Variants in WIPI2 observed in about 807,000 individuals in gnomAD.
WIPI2 encodes the protein WD repeat domain, phosphoinositide interacting 2.
Under a neutral mutation model 52.3 loss-of-function variants are expected in WIPI2, and 28 were observed. The ratio of observed to expected loss-of-function variants is 0.54; its 90% CI spans 0.40 to 0.73. The LOEUF (loss-of-function observed/expected upper bound fraction) is 0.73. Among genes scored for constraint, WIPI2 ranks in the 30% least tolerant of loss-of-function variants. The probability of loss-of-function intolerance (pLI) is 0.00; values close to 1 mark genes in which losing one functional copy is unlikely to be tolerated. For synonymous variants in WIPI2, 268 were observed against 245.0 expected, an observed-to-expected ratio of 1.09 and a Z score of -0.88; for missense variants, 506 against 602.9, an observed-to-expected ratio of 0.84 and a Z score of 1.68.
At chr7:5,202,578 G>T (rs1410128686) in intron 3 of WIPI2, among the ~76,000 whole-genome samples, 2 of 151,898 alleles carry the variant, frequency 1.3e-5, no homozygotes, top group Non-Finnish European at 2.9e-5. Flanking sequence ...TAGAAACGGG[G>T]TCTTACTATG....
chr7:5,214,831 A>T, intron 4 of WIPI2, 127 bp downstream of exon 4: 1 of 1,079,816 alleles, frequency 9.3e-7, no homozygotes, highest in South Asian at 1.4e-5. Flanking sequence ...CCGGGCACAG[A>T]TCCTTGCCTA....
chr7:5,204,189 G>C (rs944324677), intron 3 of WIPI2, among the ~76,000 whole-genome samples: 2 of 152,162 alleles, frequency 1.3e-5, no homozygotes, highest in East Asian at 1.9e-4. Flanking sequence ...CATCTGGGCC[G>C]GGCGCGGTGG....
intron 3 of WIPI2, among the ~76,000 whole-genome samples, chr7:5,200,045 G>A (rs1014958577): frequency 3.3e-5 from 5 of 152,196 alleles, no homozygotes; most frequent in East Asian, 1.9e-4. Context: ...ATTTTCCCGC[G>A]TTGGCATTTT....
At chr7:5,208,408 T>A (rs1159909841) in intron 3 of WIPI2, among the ~76,000 whole-genome samples, 2 of 131,296 alleles carry the variant, frequency 1.5e-5, no homozygotes, top group Non-Finnish European at 3.2e-5. Context: ...TTTGATGCAG[T>A]CATATTTATG....
intron 2 of WIPI2, among the ~76,000 whole-genome samples, chr7:5,197,231 C>A (rs909134525): frequency 2.0e-5 from 3 of 151,584 alleles, no homozygotes; most frequent in Non-Finnish European, 2.9e-5. Context: ...ACTTGTCATC[C>A]CTTGTTTTAA....
At chr7:5,193,992 G>A (rs1180817050) in intron 2 of WIPI2, among the ~76,000 whole-genome samples, 1 of 152,214 alleles carries the variant, frequency 6.6e-6, no homozygotes, top group Admixed American at 6.5e-5. Flanking sequence ...TCCAACAGCA[G>A]TGACCAGTGG....
intron 1 of WIPI2, 130 bp from the exon 2 acceptor site, chr7:5,192,988 T>C: frequency 1.2e-6 from 1 of 819,594 alleles, no homozygotes; most frequent in Non-Finnish European, 2.0e-6. Context: ...ACTATAACTG[T>C]CCTGCCTTTC....
chr7:5,214,262 T>TC (rs1181747508), intron 3 of WIPI2: 2 of 1,402,884 alleles, frequency 1.4e-6, no homozygotes, highest in African/African-American at 2.9e-5. Context: ...ACCATTCAAA[T>TC]CCAGCAACAG....
rs1191995642 is a variant in WIPI2 at position 5,227,919 on chromosome 7, G to T, written c.1014-185G>T. On this transcript the variant is annotated intron_variant, in intron 10 of 12. Coordinates refer to ENST00000288828, the MANE Select transcript of WIPI2 (RefSeq NM_015610.4). The surrounding 1 kb of genome is among the most constrained non-coding windows in gnomAD (Gnocchi z 8.1). The stretch of plus-strand genomic sequence containing the variant: ...GCTCTCGTCTCCCGTGGGCTTCAGG[G>T]CTCAGCACACGAGTGCAGCCTTGGC... Among the ~76,000 whole-genome samples, 1 of 152,202 alleles carries T rather than the reference G, an allele frequency of 6.6e-6. No individual in the cohort carries two copies. The highest frequency in any genetic ancestry group is 2.4e-5 in the African/African-American group (1 of 41,442).
chr7:5,222,791 C>A, intron 8 of WIPI2, 119 bp downstream of exon 8: 1 of 995,172 alleles, frequency 1.0e-6, no homozygotes, highest in Non-Finnish European at 1.5e-6. Flanking sequence ...ATTTCTAGCC[C>A]GGCTGGGTCA....
intron 3 of WIPI2, among the ~76,000 whole-genome samples, chr7:5,211,719 A>G (rs747756176): frequency 1.9e-4 from 29 of 152,202 alleles, no homozygotes; most frequent in Non-Finnish European, 3.1e-4. Flanking sequence ...TGTGTATACC[A>G]GGTTTTCCTA....
chr7:5,207,766 A>T (rs973669517), intron 3 of WIPI2, among the ~76,000 whole-genome samples: 2 of 123,324 alleles, frequency 1.6e-5, no homozygotes, highest in Non-Finnish European at 3.3e-5. Flanking sequence ...TGTCCTCACT[A>T]ACTTTTTTTT....
At chr7:5,215,724 A>C (rs1782779819) in intron 4 of WIPI2, among the ~76,000 whole-genome samples, 1 of 151,972 alleles carries the variant, frequency 6.6e-6, no homozygotes. Flanking sequence ...TTAGAATGGG[A>C]AATTATAAGA....
At chr7:5,223,481 C>G (rs770981334) in intron 8 of WIPI2, among the ~76,000 whole-genome samples, 1 of 152,168 alleles carries the variant, frequency 6.6e-6, no homozygotes, top group Non-Finnish European at 1.5e-5. Context: ...GTCACCGCTC[C>G]TCCAGCTCCT....
At chr7:5,211,900 A>T (rs774325377) in intron 3 of WIPI2, among the ~76,000 whole-genome samples, 35 of 152,248 alleles carry the variant, frequency 2.3e-4, no homozygotes, top group Non-Finnish European at 4.7e-4. Flanking sequence ...CCAAGGTTGC[A>T]GTGCCGCACA....
Position 5,229,714 on chromosome 7 carries a change from G to T in WIPI2, c.1228G>T (p.Val410Leu). The change falls in exon 12 of 13, where the codon GTG (valine) becomes TTG (leucine). Residue 410 changes from valine to leucine, a missense_variant. Val to Leu is a conservative substitution (Grantham distance 32). Transcript: ENST00000288828. ...YGAAAGKGTY[V>L]PSSPTRLAYT... is the part of the protein sequence containing the mutation. ...CGCAGCTGCAGGAAAAGGTACTTAC[G>T]TGCCTTCATCCCCAACGAGACTTGG... 6.2e-7 allele frequency: 1 copy of T among 1,613,978 alleles called. No homozygotes were observed. The highest frequency in any genetic ancestry group is 8.5e-7 in the Non-Finnish European group (1 of 1,179,940).
rs1484366906 is a variant in WIPI2 at position 5,230,796 on chromosome 7, C to T, written c.1253-39C>T. ...GTGTGTCATGGGGTCTGTGGTGTGT[C>T]CCCAGCCTTTGAAGGGTGACTTCGT... On this transcript the variant is annotated intron_variant, in intron 12 of 12. Coordinates refer to ENST00000288828, the MANE Select transcript of WIPI2 (RefSeq NM_015610.4). This position sits in a 1 kb window ranked among gnomAD's most constrained non-coding sequence, Gnocchi z 4.8. The T allele has an allele frequency of 1.3e-6, 2 of 1,552,026 alleles. No homozygotes were observed. Among genetic ancestry groups the T allele is most frequent in the African/African-American group, 1.4e-5 (1 of 73,596 alleles).
intron 3 of WIPI2, among the ~76,000 whole-genome samples, chr7:5,204,362 C>A (rs1277857955): frequency 3.9e-5 from 6 of 152,016 alleles, no homozygotes; most frequent in African/African-American, 1.2e-4. Flanking sequence ...AGCTACTCTG[C>A]AGGCTGAGGT....
At position 5,214,668 on chromosome 7, in the gene WIPI2, C is replaced by G; in HGVS notation, c.345C>G (p.Tyr115Ter). The G allele has an allele frequency of 6.2e-7, 1 of 1,614,274 alleles. No individual in the cohort carries two copies. Among genetic ancestry groups the G allele is most frequent in the African/African-American group, 1.3e-5 (1 of 75,078 alleles). The change falls in exon 4 of 13, where the codon TAC becomes TAG. Residue 115 changes from tyrosine to a stop codon, truncating the protein, a stop_gained. Transcript: ENST00000288828. LOFTEE classifies it high-confidence loss of function. ...GAACTGAGATCTGCAACTACAGCTA[C>G]TCCAACACGATTCTGGCTGTGAAGC... ...KKGTEICNYS[Y>*]SNTILAVKLN...
Sources: allele counts gnomAD v4.1 joint callset (sites outside exome capture counted in the v4.1 genomes callset), GRCh38; gene constraint gnomAD v4.1.1; non-coding constraint Gnocchi (gnomAD v3.1); transcripts MANE v1.5; gene names NCBI Gene and HGNC (gene_info 2026-07-23, HGNC 2026-07-21).